RBFOX1: variants seen among roughly 807,000 people sequenced by gnomAD.
RBFOX1 encodes RNA binding fox-1 homolog 1.
A neutral mutation model predicts 57.7 loss-of-function variants in RBFOX1; 8 were observed. The observed-to-expected ratio is 0.14, with a 90% CI of 0.08 to 0.25. The LOEUF is 0.25. RBFOX1 is among the 10% of genes least tolerant of loss of function. RBFOX1 has a pLI of 1.00. For synonymous variants in RBFOX1, 326 were observed against 222.4 expected (o/e 1.47, Z -4.15); for missense variants, 611 against 548.5 (o/e 1.11, Z -1.14).
intron 4 of RBFOX1, among the ~76,000 whole-genome samples, chr16:7,489,299 A>G (rs993102399): frequency 6.6e-6 from 1 of 152,222 alleles, no homozygotes; most frequent in Non-Finnish European, 1.5e-5. Flanking sequence ...CATTTACTAA[A>G]TGACAGGAAC....
intron 2 of RBFOX1, among the ~76,000 whole-genome samples, chr16:6,439,355 A>G (rs2094318090): frequency 6.6e-6 from 1 of 152,180 alleles, no homozygotes; most frequent in Non-Finnish European, 1.5e-5. Flanking sequence ...TTTCCCCAGG[A>G]GTGTCACAGG....
chr16:6,476,132 C>A (rs1056623212), intron 2 of RBFOX1, among the ~76,000 whole-genome samples: 2 of 152,036 alleles, frequency 1.3e-5, no homozygotes, highest in African/African-American at 2.4e-5. Context: ...GCCAGGGACG[C>A]CACCCTTTTC....
chr16:7,458,830 A>G (rs1009542441), intron 4 of RBFOX1, among the ~76,000 whole-genome samples: 2 of 152,110 alleles, frequency 1.3e-5, no homozygotes, highest in Admixed American at 6.5e-5. Flanking sequence ...GACTTTTGCC[A>G]TATTGCTTAT....
chr16:7,238,841 G>T (rs1281714714), intron 4 of RBFOX1, among the ~76,000 whole-genome samples: 3 of 152,086 alleles, frequency 2.0e-5, no homozygotes, highest in Non-Finnish European at 4.4e-5. Flanking sequence ...CCCTCTATGT[G>T]TCCACGTGTT....
chr16:7,695,969 A>G (rs1169694369), intron 14 of RBFOX1, among the ~76,000 whole-genome samples: 1 of 152,182 alleles, frequency 6.6e-6, no homozygotes, highest in Admixed American at 6.5e-5. Flanking sequence ...CTTCGGGTGG[A>G]GATAGTGAGA....
chr16:6,443,857 T>C (rs2094435257), intron 2 of RBFOX1, among the ~76,000 whole-genome samples: 1 of 151,974 alleles, frequency 6.6e-6, no homozygotes, highest in Non-Finnish European at 1.5e-5. Context: ...CATCCATCCA[T>C]CCATCCATCC....
intron 4 of RBFOX1, among the ~76,000 whole-genome samples, chr16:7,359,956 C>T (rs1200448236): frequency 6.6e-6 from 1 of 150,684 alleles, no homozygotes. Flanking sequence ...TGCACTCCAG[C>T]CTGGGTGACA....
chr16:5,463,009 A>C (rs895911471), intron 1 of RBFOX1, among the ~76,000 whole-genome samples: 5 of 152,256 alleles, frequency 3.3e-5, no homozygotes, highest in African/African-American at 4.8e-5. Context: ...GAGCAGATCA[A>C]CATCTAATCC....
chr16:6,860,798 G>C (rs983951140), intron 3 of RBFOX1, among the ~76,000 whole-genome samples: 10 of 152,208 alleles, frequency 6.6e-5, no homozygotes, highest in African/African-American at 2.4e-4. Context: ...TGCAGCAGGA[G>C]ACATACAGTA....
At chr16:7,177,132 C>A (rs1343958571) in intron 4 of RBFOX1, among the ~76,000 whole-genome samples, 1 of 152,178 alleles carries the variant, frequency 6.6e-6, no homozygotes, top group Non-Finnish European at 1.5e-5. Flanking sequence ...GTGCAAAGAA[C>A]ACGACACTTT....
chr16:5,871,546 G>A (rs936809867), intron 4 of RBFOX1, among the ~76,000 whole-genome samples: 14 of 152,052 alleles, frequency 9.2e-5, no homozygotes, highest in Middle Eastern at 3.4e-3. Context: ...CCTATTTATC[G>A]TCACGCAGCT....
chr16:7,190,520 C>G (rs952880452), intron 4 of RBFOX1, among the ~76,000 whole-genome samples: 8 of 151,568 alleles, frequency 5.3e-5, no homozygotes, highest in African/African-American at 1.5e-4. Flanking sequence ...GAGTGATACT[C>G]TGATCTCTAT....
intron 2 of RBFOX1, among the ~76,000 whole-genome samples, chr16:6,480,626 T>G (rs1445909283): frequency 1.3e-5 from 2 of 152,242 alleles, no homozygotes; most frequent in East Asian, 3.8e-4. Flanking sequence ...TTTTGGACTG[T>G]TCCCAGTACA....
intron 1 of RBFOX1, among the ~76,000 whole-genome samples, chr16:5,250,292 C>G (rs2062417935): frequency 6.9e-6 from 1 of 144,636 alleles, no homozygotes; most frequent in South Asian, 2.2e-4. Context: ...TTCTGGGATA[C>G]ATGTGCAGAA....
intron 2 of RBFOX1, 79 bp from the exon 3 acceptor site, chr16:6,654,524 A>G: frequency 5.2e-6 from 6 of 1,154,470 alleles, no homozygotes; most frequent in South Asian, 1.5e-5. Flanking sequence ...GCATTTCAAC[A>G]ACACCACTGA....
intron 1 of RBFOX1, among the ~76,000 whole-genome samples, chr16:6,095,073 C>G (rs1451411957): frequency 1.3e-5 from 2 of 152,070 alleles, no homozygotes; most frequent in African/African-American, 4.8e-5. Context: ...AAAAACAAAA[C>G]AAATAAAATG....
chr16:7,247,167 A>C (rs991049257), intron 4 of RBFOX1, among the ~76,000 whole-genome samples: 1 of 152,124 alleles, frequency 6.6e-6, no homozygotes, highest in Non-Finnish European at 1.5e-5. Context: ...CTGTGTCTCA[A>C]GTCCTCTGCT....
chr16:7,091,328 C>G (rs769625553), intron 4 of RBFOX1, among the ~76,000 whole-genome samples: 2 of 151,238 alleles, frequency 1.3e-5, no homozygotes, highest in African/African-American at 2.4e-5. Flanking sequence ...CTTTTCTTCA[C>G]TTTATCGTTT....
rs187324105 is a variant in RBFOX1 at position 7,444,113 on chromosome 16, T to G, written c.28-74034T>G. Reference sequence around the variant, plus strand: ...CAAAACTCTTGATGAATCACGTTATTATACTAAACCAACGTTATACTAAAC... The same window carrying G: ...CAAAACTCTTGATGAATCACGTTATGATACTAAACCAACGTTATACTAAAC... On this transcript the variant is annotated intron_variant, in intron 4 of 15. Transcript: ENST00000550418. Among the ~76,000 whole-genome samples, 3 of 152,352 alleles carry G rather than the reference T, an allele frequency of 2.0e-5. No individual in the cohort carries two copies. In the East Asian group the frequency reaches 5.8e-4, roughly 29 times the overall value.
Sources: gnomAD v4.1 joint callset for allele counts (sites outside exome capture counted in the v4.1 genomes callset) on GRCh38, gnomAD v4.1.1 for gene constraint, MANE v1.5 for transcripts, NCBI Gene and HGNC (gene_info 2026-07-23, HGNC 2026-07-21) for gene names.